The following HSPA4 variants were observed in gnomAD, a reference collection of about 807,000 sequenced individuals.
HSPA4 encodes heat shock protein family A (Hsp70) member 4, also known as heat shock 70 kDa protein 4.
HSPA4 carries 25 observed loss-of-function variants against 106.2 expected under a neutral mutation model. The observed-to-expected ratio is 0.24, with a 90% CI of 0.17 to 0.33. The LOEUF (loss-of-function observed/expected upper bound fraction) is 0.33, where lower values mean the gene tolerates loss of function less well. Ranked by LOEUF, HSPA4 falls within the 10% of genes least tolerant of loss-of-function variation. The pLI, the probability that HSPA4 is intolerant of heterozygous loss-of-function variation, is 1.00. For synonymous variants in HSPA4, 332 were observed against 333.6 expected (o/e 1.00, Z 0.05); for missense variants, 841 against 996.0 (o/e 0.84, Z 2.10).
At chr5:133,065,407 A>G (rs1339073046) in intron 2 of HSPA4, among the ~76,000 whole-genome samples, 4 of 152,352 alleles carry the variant, frequency 2.6e-5, no homozygotes, top group Middle Eastern at 3.4e-3. Context: ...TTATAGGCCA[A>G]TACTATGTCA....
intron 16 of HSPA4, among the ~76,000 whole-genome samples, chr5:133,101,013 CA>C: frequency 6.6e-6 from 1 of 151,936 alleles, no homozygotes; most frequent in East Asian, 1.9e-4. Flanking sequence ...CTGTGTTGCC[CA>C]GACTGGTATG....
rs185390157 is a variant in HSPA4 at position 133,055,993 on chromosome 5, G to A, written c.107+3636G>A. Among the ~76,000 whole-genome samples the A allele has an allele frequency of 3.5e-4, 54 of 152,246 alleles. No homozygotes were observed. The East Asian group carries it at 9.9e-3, about 28-fold the overall frequency. On this transcript the variant is annotated intron_variant, in intron 1 of 18. Transcript: ENST00000304858. ...CTCTGGAGGCTGAGGCAGAAGAATCGCTTGAACCTGGTAGGTGGAGGTTGC... is the reference window on the plus strand; with the variant it reads ...CTCTGGAGGCTGAGGCAGAAGAATCACTTGAACCTGGTAGGTGGAGGTTGC...
At chr5:133,080,758 T>C (rs1040411887) in intron 7 of HSPA4, among the ~76,000 whole-genome samples, 33 of 152,098 alleles carry the variant, frequency 2.2e-4, no homozygotes, top group Non-Finnish European at 2.9e-5. Flanking sequence ...GTGTACTGTT[T>C]AGTTTTCATT....
intron 2 of HSPA4, among the ~76,000 whole-genome samples, chr5:133,065,308 G>A (rs890047557): frequency 1.3e-5 from 2 of 152,192 alleles, no homozygotes; most frequent in African/African-American, 4.8e-5. Flanking sequence ...ACAATCCAGT[G>A]TAACAACTAC....
chr5:133,062,819 G>C (rs1345612389), intron 1 of HSPA4, among the ~76,000 whole-genome samples: 5 of 152,136 alleles, frequency 3.3e-5, no homozygotes, highest in Admixed American at 3.3e-4. Flanking sequence ...GCTTACAGGG[G>C]TTCTTAGCCA....
At chr5:133,073,420 C>A in intron 5 of HSPA4, 91 bp downstream of exon 5, 1 of 801,000 alleles carries the variant, frequency 1.2e-6, no homozygotes, top group Non-Finnish European at 2.1e-6. Flanking sequence ...CTTTATTTTG[C>A]TTTCAGCACT....
chr5:133,092,734 A>C lies in HSPA4; in HGVS notation c.1595A>C (p.Glu532Ala). The change falls in exon 13 of 19, where the codon GAA becomes GCA. Residue 532 changes from glutamate (E) to alanine (A), a missense_variant. Transcript: ENST00000304858. ...MQVDQEEPHV[E>A]EQQQQTPAEN... Reference sequence around the variant, plus strand: ...GTGGACCAGGAGGAACCACATGTTGAAGAGCAACAGCAGCAGACACCAGCA... The same window carrying C: ...GTGGACCAGGAGGAACCACATGTTGCAGAGCAACAGCAGCAGACACCAGCA... 2 of 1,605,090 alleles carry C rather than the reference A, an allele frequency of 1.2e-6. No homozygotes were observed. Among genetic ancestry groups the C allele is most frequent in the Non-Finnish European group, 1.7e-6 (2 of 1,174,770 alleles).
chr5:133,095,147 T>G (rs1765694930), intron 13 of HSPA4, among the ~76,000 whole-genome samples: 1 of 151,958 alleles, frequency 6.6e-6, no homozygotes, highest in Non-Finnish European at 1.5e-5. Context: ...CCATCTCTAC[T>G]AAAAATACAA....
At chr5:133,086,158 T>C (rs1765575831) in intron 7 of HSPA4, among the ~76,000 whole-genome samples, 1 of 152,112 alleles carries the variant, frequency 6.6e-6, no homozygotes, top group African/African-American at 2.4e-5. Flanking sequence ...GCAGTGAGAG[T>C]GAGCCAAGAT....
chr5:133,059,912 T>G (rs928837269), intron 1 of HSPA4, among the ~76,000 whole-genome samples: 4 of 152,172 alleles, frequency 2.6e-5, no homozygotes, highest in African/African-American at 9.7e-5. Flanking sequence ...ACTGCAAGAT[T>G]TGAAAGTTCT....
Position 133,101,764 on chromosome 5 carries a change from A to G in HSPA4, c.2043A>G (p.Leu681=). 2 of 1,608,920 alleles carry G rather than the reference A, an allele frequency of 1.2e-6. No homozygotes were observed. Among genetic ancestry groups the G allele is most frequent in the Non-Finnish European group, 1.7e-6 (2 of 1,178,430 alleles). The stretch of plus-strand genomic sequence containing the variant: ...CTGTGTATTCTTCTGTTAAGAATCT[A>G]GGTCAACCTATTAAGATACGTTTCC... ...YVDKLAELKN[L]GQPIKIRFQE... The change falls in exon 17 of 19, where the codon CTA becomes CTG. Residue 681 remains leucine (L), a synonymous_variant. Transcript: ENST00000304858.
At position 133,089,111 on chromosome 5, in the gene HSPA4, AC is replaced by A; in HGVS notation, c.1196del (p.Pro399HisfsTer6). ...VREFSITDVV[P>X]YPISLRWNSP... The stretch of plus-strand genomic sequence containing the variant: ...GAGAATTTTCTATCACTGATGTAGT[AC>A]CATATCCAATATCTCTGAGATGGAA... On this transcript the variant is annotated frameshift_variant, in exon 10 of 19. Coordinates refer to ENST00000304858, the MANE Select transcript of HSPA4 (RefSeq NM_002154.4). LOFTEE classifies it high-confidence loss of function. 6.2e-7 allele frequency: 1 copy of A among 1,605,334 alleles called. No homozygotes were observed. The highest frequency in any genetic ancestry group is 1.1e-5 in the South Asian group (1 of 89,480).
chr5:133,072,112 GT>G (rs1164173176), intron 4 of HSPA4, among the ~76,000 whole-genome samples: 1 of 152,158 alleles, frequency 6.6e-6, no homozygotes, highest in African/African-American at 2.4e-5. Context: ...ATAGTGTTGA[GT>G]CATGTTTGGG....
At chr5:133,072,392 GTTTTTT>G (rs748459297) in intron 4 of HSPA4, among the ~76,000 whole-genome samples, 2 of 75,726 alleles carry the variant, frequency 2.6e-5, no homozygotes, top group African/African-American at 1.1e-4. Context: ...GTCCAGGGTT[GTTTTTT>G]TTTTTTTTTT....
At position 133,086,805 on chromosome 5, in the gene HSPA4, A is replaced by G. The variant is rs772675904; in HGVS notation, c.932A>G (p.Asn311Ser). 2.3e-5 allele frequency: 37 copies of G among 1,613,576 alleles called. No homozygotes were observed. In the Admixed American group the frequency reaches 2.8e-4, roughly 12 times the overall value. Residue 311 changes from asparagine to serine, a missense_variant, in exon 8 of 19, where the codon AAT becomes AGT. Physicochemically the swap from Asn to Ser is conservative, Grantham distance 46. Coordinates refer to ENST00000304858, the MANE Select transcript of HSPA4 (RefSeq NM_002154.4). ...AGAGGCAAATTTCTGGAGATGTGCAATGATCTCTTAGCTAGAGTGGAGCCA... is the reference window on the plus strand; with the variant it reads ...AGAGGCAAATTTCTGGAGATGTGCAGTGATCTCTTAGCTAGAGTGGAGCCA... ...MNRGKFLEMC[N>S]DLLARVEPPL... is the part of the protein sequence containing the mutation.
chr5:133,061,915 T>A (rs187714205), intron 1 of HSPA4, among the ~76,000 whole-genome samples: 141 of 152,324 alleles, frequency 9.3e-4, no homozygotes, highest in African/African-American at 3.3e-3. Context: ...ATTACAGACG[T>A]GAGCCACCGT....
intron 2 of HSPA4, among the ~76,000 whole-genome samples, chr5:133,066,807 C>T (rs77889443): frequency 0.062 from 9,412 of 150,804 alleles, 857 homozygotes; most frequent in East Asian, 0.29. Flanking sequence ...CTCCACCTCC[C>T]AGGTTCAAAT....
intron 17 of HSPA4, among the ~76,000 whole-genome samples, chr5:133,102,445 T>C (rs1765799426): frequency 6.6e-6 from 1 of 152,230 alleles, no homozygotes; most frequent in Non-Finnish European, 1.5e-5. Flanking sequence ...TGACTTAACA[T>C]GCACTATCCT....
chr5:133,089,804 A>G, intron 11 of HSPA4, 109 bp downstream of exon 11: 1 of 812,544 alleles, frequency 1.2e-6, no homozygotes, highest in South Asian at 2.6e-5. Flanking sequence ...ACTTGAGCTG[A>G]GGAGTTCGAG....
Sources: allele counts gnomAD v4.1 joint callset (sites outside exome capture counted in the v4.1 genomes callset), GRCh38; gene constraint gnomAD v4.1.1; transcripts MANE v1.5; gene names NCBI Gene and HGNC (gene_info 2026-07-23, HGNC 2026-07-21).